The following CDH13 variants were observed in gnomAD, a reference collection of about 807,000 sequenced individuals.
CDH13 encodes cadherin 13.
Under a neutral mutation model 63.8 loss-of-function variants are expected in CDH13, and 24 were observed. The observed-to-expected ratio is 0.38, with a 90% confidence interval of 0.27 to 0.53. CDH13 has a LOEUF of 0.53. Among genes scored for constraint, CDH13 ranks in the 20% least tolerant of loss-of-function variants. The pLI, the probability that CDH13 is intolerant of heterozygous loss-of-function variation, is 0.85. For missense variants in CDH13, 1,049 were observed against 903.1 expected (o/e 1.16, Z -2.07); for synonymous variants, 503 against 355.3 (o/e 1.42, Z -4.67).
At chr16:83,616,369 G>A (rs988738162) in intron 8 of CDH13, among the ~76,000 whole-genome samples, 1 of 152,128 alleles carries the variant, frequency 6.6e-6, no homozygotes, top group Non-Finnish European at 1.5e-5. Flanking sequence ...TTCGTGATGT[G>A]TTGATCCCCA....
intron 6 of CDH13, among the ~76,000 whole-genome samples, chr16:83,463,964 C>T (rs1471451966): frequency 6.6e-6 from 1 of 152,130 alleles, no homozygotes; most frequent in Non-Finnish European, 1.5e-5. Flanking sequence ...CTAAGGACCA[C>T]CACTTTTGTA....
intron 11 of CDH13, among the ~76,000 whole-genome samples, chr16:83,765,289 A>T (rs1053674055): frequency 2.0e-5 from 3 of 151,912 alleles, no homozygotes; most frequent in Non-Finnish European, 4.4e-5. Context: ...ACATGGCCTC[A>T]AAATTAATTA....
At chr16:82,657,693 T>C (rs996206118) in intron 1 of CDH13, among the ~76,000 whole-genome samples, 18 of 152,202 alleles carry the variant, frequency 1.2e-4, no homozygotes, top group African/African-American at 4.1e-4. Context: ...GAGGGTAATG[T>C]AAATTGTATT....
At chr16:83,286,579 A>G (rs995498351) in intron 5 of CDH13, among the ~76,000 whole-genome samples, 1 of 152,026 alleles carries the variant, frequency 6.6e-6, no homozygotes, top group Non-Finnish European at 1.5e-5. Flanking sequence ...AACACAGTGA[A>G]ACCCTGTCTC....
At chr16:82,627,174 C>A in intron 1 of CDH13, 37 bp downstream of exon 1, 2 of 1,556,720 alleles carry the variant, frequency 1.3e-6, no homozygotes, top group Non-Finnish European at 1.8e-6. Flanking sequence ...CTCTGCGCCC[C>A]GTTTCTGCAT....
At chr16:83,355,454 A>G (rs1001401865) in intron 6 of CDH13, among the ~76,000 whole-genome samples, 2 of 152,182 alleles carry the variant, frequency 1.3e-5, no homozygotes, top group South Asian at 4.1e-4. Flanking sequence ...TCATCCTTCA[A>G]CTTCCAACAT....
At chr16:83,130,689 A>T (rs145905997) in intron 4 of CDH13, among the ~76,000 whole-genome samples, 1 of 152,368 alleles carries the variant, frequency 6.6e-6, no homozygotes, top group Non-Finnish European at 1.5e-5. Context: ...TTAACTAAAT[A>T]TAAAATTATC....
intron 1 of CDH13, among the ~76,000 whole-genome samples, chr16:82,771,403 A>T (rs146398801): frequency 6.6e-6 from 1 of 152,348 alleles, no homozygotes; most frequent in Non-Finnish European, 1.5e-5. Context: ...ATTGGACCCA[A>T]TATGACTGGT....
intron 13 of CDH13, 124 bp downstream of exon 13, chr16:83,783,596 A>G: frequency 1.3e-6 from 1 of 794,120 alleles, no homozygotes; most frequent in Non-Finnish European, 2.2e-6. Context: ...ATTCATCTTT[A>G]GTGTATGTCT....
chr16:82,740,843 G>C (rs1192564615), intron 1 of CDH13, among the ~76,000 whole-genome samples: 2 of 152,126 alleles, frequency 1.3e-5, no homozygotes, highest in Non-Finnish European at 2.9e-5. Flanking sequence ...AAGCCTCATA[G>C]CAAAAGCCTC....
chr16:82,985,651 C>T (rs59129184), intron 2 of CDH13, among the ~76,000 whole-genome samples: 23,416 of 152,074 alleles, frequency 0.15, 2,121 homozygotes, highest in Non-Finnish European at 0.21. Context: ...GAACCTTGGC[C>T]TCTTCTTTCT....
intron 1 of CDH13, among the ~76,000 whole-genome samples, chr16:82,759,436 GAA>G (rs2034745182): frequency 6.6e-6 from 1 of 151,924 alleles, no homozygotes; most frequent in Non-Finnish European, 1.5e-5. Flanking sequence ...TCATCTAAAT[GAA>G]GTCTGTTTCT....
At chr16:82,828,848 C>G (rs570931428) in intron 1 of CDH13, among the ~76,000 whole-genome samples, 2 of 151,864 alleles carry the variant, frequency 1.3e-5, no homozygotes, top group Non-Finnish European at 1.5e-5. Context: ...AGATTATATG[C>G]GAATACTATG....
At chr16:83,077,940 A>G (rs191683511) in intron 3 of CDH13, among the ~76,000 whole-genome samples, 6 of 152,136 alleles carry the variant, frequency 3.9e-5, no homozygotes, top group African/African-American at 1.4e-4. Context: ...AATTTGCGTT[A>G]CCCTAACTAC....
chr16:82,730,492 T>C (rs1343498860), intron 1 of CDH13, among the ~76,000 whole-genome samples: 1 of 152,222 alleles, frequency 6.6e-6, no homozygotes, highest in African/African-American at 2.4e-5. Context: ...GTTAGCCTTC[T>C]TGTATGGGCA....
At chr16:83,558,361 A>G (rs1051291466) in intron 7 of CDH13, among the ~76,000 whole-genome samples, 1 of 152,196 alleles carries the variant, frequency 6.6e-6, no homozygotes, top group Non-Finnish European at 1.5e-5. Context: ...TCCATCAAAA[A>G]CAAAGCTTGA....
chr16:83,587,747 C>G (rs922465880), intron 7 of CDH13, among the ~76,000 whole-genome samples: 3 of 152,086 alleles, frequency 2.0e-5, no homozygotes, highest in Non-Finnish European at 4.4e-5. Context: ...TCTTTTATTA[C>G]CCATACAGAG....
chr16:83,289,925 C>A (rs1213896959), intron 5 of CDH13, among the ~76,000 whole-genome samples: 1 of 152,156 alleles, frequency 6.6e-6, no homozygotes, highest in Admixed American at 6.5e-5. Flanking sequence ...CCTCTATAGC[C>A]AGCACCCAGA....
intron 6 of CDH13, among the ~76,000 whole-genome samples, chr16:83,409,702 G>C (rs941174814): frequency 3.3e-5 from 5 of 152,152 alleles, no homozygotes; most frequent in Non-Finnish European, 7.3e-5. Flanking sequence ...CTTCCTCCTT[G>C]ATTATATCAA....
Sources: gnomAD v4.1 joint callset for allele counts (sites outside exome capture counted in the v4.1 genomes callset) on GRCh38, gnomAD v4.1.1 for gene constraint, MANE v1.5 for transcripts, NCBI Gene and HGNC (gene_info 2026-07-23, HGNC 2026-07-21) for gene names.